The following SPAG16 variants were observed in gnomAD, a reference collection of about 807,000 sequenced individuals.
SPAG16 encodes sperm-associated antigen 16 protein.
A neutral mutation model predicts 80.4 loss-of-function variants in SPAG16; 86 were observed. That is an observed-to-expected ratio of 1.07 (90% confidence interval 0.90 to 1.28). SPAG16 has a LOEUF of 1.28. Ranked by LOEUF, SPAG16 falls within the 50% of genes most tolerant of loss-of-function variation. The pLI, the probability that SPAG16 is intolerant of heterozygous loss-of-function variation, is 0.00. For missense variants in SPAG16, 870 were observed against 765.3 expected (o/e 1.14, Z -1.61); for synonymous variants, 294 against 265.9 (o/e 1.11, Z -1.03).
chr2:214,081,298 T>A (rs1446291543), intron 13 of SPAG16, among the ~76,000 whole-genome samples: 3 of 152,160 alleles, frequency 2.0e-5, no homozygotes, highest in Admixed American at 6.5e-5. Flanking sequence ...TTGAATTGTG[T>A]TCCCCCAAAA....
chr2:213,761,416 TAAAC>T (rs1450213039), intron 10 of SPAG16, among the ~76,000 whole-genome samples: 1 of 151,908 alleles, frequency 6.6e-6, no homozygotes, highest in Non-Finnish European at 1.5e-5. Flanking sequence ...CGACCAGAGA[TAAAC>T]AAGATAGTGA....
At chr2:214,231,070 T>A (rs1278465328) in intron 15 of SPAG16, among the ~76,000 whole-genome samples, 2 of 151,930 alleles carry the variant, frequency 1.3e-5, no homozygotes, top group African/African-American at 4.8e-5. Flanking sequence ...TCAGATGTTG[T>A]CTGTAATAAT....
intron 11 of SPAG16, among the ~76,000 whole-genome samples, chr2:213,900,708 G>T (rs764589467): frequency 7.2e-5 from 11 of 151,986 alleles, no homozygotes; most frequent in Non-Finnish European, 1.3e-4. Context: ...AAAAATTTCT[G>T]AATGTAATGT....
chr2:213,785,811 A>G (rs772696482), intron 10 of SPAG16, among the ~76,000 whole-genome samples: 1 of 152,106 alleles, frequency 6.6e-6, no homozygotes, highest in Non-Finnish European at 1.5e-5. Flanking sequence ...GACTGAGAAC[A>G]TCCTGGCCAA....
At chr2:214,306,424 T>C (rs1694918284) in intron 15 of SPAG16, among the ~76,000 whole-genome samples, 1 of 152,222 alleles carries the variant, frequency 6.6e-6, no homozygotes, top group African/African-American at 2.4e-5. Flanking sequence ...TGAATAGGCA[T>C]AGTGAGAGAG....
At chr2:214,067,208 A>T (rs1256967196) in intron 13 of SPAG16, among the ~76,000 whole-genome samples, 2 of 152,150 alleles carry the variant, frequency 1.3e-5, no homozygotes, top group African/African-American at 4.8e-5. Flanking sequence ...CATCACTTTC[A>T]TTGTTCCAGA....
chr2:214,264,469 T>C (rs1042489452), intron 15 of SPAG16, among the ~76,000 whole-genome samples: 2 of 152,176 alleles, frequency 1.3e-5, no homozygotes, highest in Admixed American at 1.3e-4. Context: ...ACTTTATTTT[T>C]AGAGTAGTTT....
intron 10 of SPAG16, among the ~76,000 whole-genome samples, chr2:213,709,914 T>C (rs1446424859): frequency 6.6e-6 from 1 of 152,216 alleles, no homozygotes; most frequent in Non-Finnish European, 1.5e-5. Flanking sequence ...AAGTTTATTA[T>C]AGTTTGTGTA....
intron 9 of SPAG16, among the ~76,000 whole-genome samples, chr2:213,406,171 A>G (rs1468401717): frequency 6.6e-6 from 1 of 152,128 alleles, no homozygotes; most frequent in Non-Finnish European, 1.5e-5. Context: ...TTGATGTATC[A>G]TGAATTGGAT....
At chr2:213,296,742 C>T (rs2062515024) in intron 2 of SPAG16, among the ~76,000 whole-genome samples, 1 of 152,118 alleles carries the variant, frequency 6.6e-6, no homozygotes, top group African/African-American at 2.4e-5. Flanking sequence ...CATGAAGTTC[C>T]TGAATGAGTT....
At chr2:213,786,163 C>T (rs2070331183) in intron 10 of SPAG16, among the ~76,000 whole-genome samples, 1 of 152,016 alleles carries the variant, frequency 6.6e-6, no homozygotes, top group South Asian at 2.1e-4. Context: ...ATATATGCTC[C>T]TCATTCTCTA....
chr2:213,940,689 T>C (rs1368388253), intron 12 of SPAG16, among the ~76,000 whole-genome samples: 1 of 152,182 alleles, frequency 6.6e-6, no homozygotes. Flanking sequence ...ATATAGCATA[T>C]GTCTATGCAA....
chr2:213,759,030 A>G (rs1382845397), intron 10 of SPAG16, among the ~76,000 whole-genome samples: 4 of 152,190 alleles, frequency 2.6e-5, no homozygotes, highest in Non-Finnish European at 5.9e-5. Flanking sequence ...CTAAAGAAAA[A>G]CAAAAACAGA....
chr2:213,344,384 C>CT lies in SPAG16; in HGVS notation c.644+4124dup, dbSNP rs894934902. On this transcript the variant is annotated intron_variant, in intron 6 of 15. Coordinates refer to ENST00000331683, the MANE Select transcript of SPAG16 (RefSeq NM_024532.5). ...CAACCTTATTCACTGGAGTTTTTTTCTTTTTTTTTTGTATTTTAAGTTTTA... is the reference window on the plus strand; with the variant it reads ...CAACCTTATTCACTGGAGTTTTTTTCTTTTTTTTTTTGTATTTTAAGTTTTA... 6.7e-4 allele frequency among the ~76,000 whole-genome samples: 99 copies of CT among 147,764 alleles called. No homozygotes were observed. In the East Asian group the frequency reaches 7.4e-3, roughly 11 times the overall value.
intron 12 of SPAG16, among the ~76,000 whole-genome samples, chr2:213,962,136 G>T (rs535406452): frequency 1.3e-5 from 2 of 151,732 alleles, no homozygotes; most frequent in South Asian, 2.1e-4. Context: ...CATTTAAAGC[G>T]GTAATTATGG....
chr2:213,737,654 AT>A (rs1315568741), intron 10 of SPAG16, among the ~76,000 whole-genome samples: 1 of 151,616 alleles, frequency 6.6e-6, no homozygotes, highest in Non-Finnish European at 1.5e-5. Context: ...CGCCCGGCTA[AT>A]TTTTTTGTAT....
At chr2:213,638,100 T>C (rs1454143504) in intron 10 of SPAG16, among the ~76,000 whole-genome samples, 1 of 152,194 alleles carries the variant, frequency 6.6e-6, no homozygotes, top group Admixed American at 6.5e-5. Context: ...ATCTCCCATT[T>C]CATTTCTGAT....
intron 15 of SPAG16, among the ~76,000 whole-genome samples, chr2:214,342,986 T>G (rs1357640509): frequency 6.6e-6 from 1 of 151,988 alleles, no homozygotes; most frequent in African/African-American, 2.4e-5. Context: ...AAGATGAGAT[T>G]TGGGAGATGA....
At chr2:213,939,488 G>A (rs753117667) in intron 12 of SPAG16, among the ~76,000 whole-genome samples, 3 of 152,138 alleles carry the variant, frequency 2.0e-5, no homozygotes, top group African/African-American at 7.2e-5. Flanking sequence ...CTCTATTAAC[G>A]GAAAGAATTA....
Sources: allele counts gnomAD v4.1 joint callset (sites outside exome capture counted in the v4.1 genomes callset), GRCh38; gene constraint gnomAD v4.1.1; transcripts MANE v1.5; gene names NCBI Gene and HGNC (gene_info 2026-07-23, HGNC 2026-07-21).